SH3BGR: variants seen among roughly 807,000 people sequenced by gnomAD.
SH3BGR encodes the protein SH3 domain binding glutamate rich protein.
In SH3BGR, 29 loss-of-function variants were observed where a neutral mutation model predicts 24.5. The ratio of observed to expected loss-of-function variants is 1.18; its 90% confidence interval spans 0.88 to 1.61. SH3BGR has a LOEUF of 1.61. SH3BGR is among the 40% of genes most tolerant of loss of function. SH3BGR has a pLI of 0.00. For synonymous variants in SH3BGR, 55 were observed against 65.7 expected (o/e 0.84, Z 0.79); for missense variants, 162 against 205.8 (o/e 0.79, Z 1.30).
intron 1 of SH3BGR, among the ~76,000 whole-genome samples, chr21:39,446,759 A>G (rs2148427953): frequency 6.6e-6 from 1 of 152,252 alleles, no homozygotes; most frequent in South Asian, 2.1e-4. Flanking sequence ...TGGGTTTTGT[A>G]AGGACTTTTG....
chr21:39,466,135 C>A (rs998751898), intron 2 of SH3BGR, among the ~76,000 whole-genome samples: 10 of 152,160 alleles, frequency 6.6e-5, no homozygotes, highest in African/African-American at 1.7e-4. Flanking sequence ...TCAATATTGG[C>A]AAATGCTCCT....
chr21:39,463,625 T>C (rs976856197), intron 2 of SH3BGR, among the ~76,000 whole-genome samples: 2 of 152,316 alleles, frequency 1.3e-5, no homozygotes, highest in East Asian at 3.9e-4. Flanking sequence ...TTTAAAAAAT[T>C]GTTTACTGCC....
intron 3 of SH3BGR, among the ~76,000 whole-genome samples, chr21:39,496,564 T>G (rs2078401616): frequency 6.6e-6 from 1 of 151,098 alleles, no homozygotes; most frequent in Non-Finnish European, 1.5e-5. Flanking sequence ...ATTGCATGCC[T>G]AAAAATCTTT....
At chr21:39,498,961 T>C (rs763346521) in intron 3 of SH3BGR, among the ~76,000 whole-genome samples, 15 of 152,312 alleles carry the variant, frequency 9.8e-5, no homozygotes, top group East Asian at 1.9e-4. Flanking sequence ...TCAGGAAACT[T>C]AGTCATGGTG....
chr21:39,509,455 A>T (rs1602179433), intron 5 of SH3BGR, among the ~76,000 whole-genome samples: 1 of 146,514 alleles, frequency 6.8e-6, no homozygotes, highest in African/African-American at 2.5e-5. Context: ...ACATCTTTGA[A>T]TTAATCACTT....
intron 3 of SH3BGR, among the ~76,000 whole-genome samples, chr21:39,499,062 T>C (rs7283503): frequency 6.6e-6 from 1 of 152,086 alleles, no homozygotes; most frequent in South Asian, 2.1e-4. Flanking sequence ...ATAAAACCAT[T>C]AGATCTCGTG....
Position 39,459,775 on chromosome 21 carries a change from G to T in SH3BGR, c.46-2600G>T, listed in dbSNP as rs115565353. ...TCTCGACAAAAATTTGTTTGCCCAG[G>T]CTGGCTGGTCTTGACCTCCTGGGCT... is the stretch of plus-strand genomic sequence containing the variant. On this transcript the variant is annotated intron_variant, in intron 1 of 6. Coordinates refer to ENST00000333634, the MANE Select transcript of SH3BGR (RefSeq NM_007341.3). Among the ~76,000 whole-genome samples the T allele has an allele frequency of 1.8e-3, 274 of 150,776 alleles. 3 individuals carry two copies. The highest frequency in any genetic ancestry group is 6.0e-3 in the African/African-American group (248 of 41,052).
In SH3BGR at chr21:39,474,614, C is replaced by T. The variant is rs905640246; in HGVS notation, c.232-521C>T. Among the ~76,000 whole-genome samples, 22 of 152,218 alleles carry T rather than the reference C, an allele frequency of 1.4e-4. 1 individual carries two copies. The highest frequency in any genetic ancestry group is 3.4e-4 in the African/African-American group (14 of 41,528). On this transcript the variant is annotated intron_variant, in intron 2 of 6. Transcript: ENST00000333634. ...CAGATTTCAATCCACTACCAAGTTT[C>T]CAATCACTCCAGTTGTTCCTATTTT...
In SH3BGR at chr21:39,511,816, A is replaced by T. The variant is rs768786906; in HGVS notation, c.*34+7A>T. On this transcript the variant is annotated splice_region_variant and intron_variant, in intron 6 of 6. Transcript: ENST00000333634. The surrounding 1 kb of genome is among the most constrained non-coding windows in gnomAD (Gnocchi z 4.2). ...ATTTCTTCCACTTCTCCAGGTAGCT[A>T]CAGGATTCTGGGGTGGAAAAGCTGC... The T allele has an allele frequency of 6.2e-7, 1 of 1,602,138 alleles. No homozygotes were observed. Among genetic ancestry groups the T allele is most frequent in the Non-Finnish European group, 8.5e-7 (1 of 1,175,610 alleles).
intron 3 of SH3BGR, among the ~76,000 whole-genome samples, chr21:39,484,919 G>T (rs1039803474): frequency 1.3e-5 from 2 of 152,200 alleles, no homozygotes; most frequent in Non-Finnish European, 2.9e-5. Context: ...GTGGAAAGGT[G>T]TCAGCAAGGA....
At chr21:39,513,458 A>C (rs2078732073) in intron 6 of SH3BGR, among the ~76,000 whole-genome samples, 1 of 152,216 alleles carries the variant, frequency 6.6e-6, no homozygotes, top group Non-Finnish European at 1.5e-5. Context: ...AAAAGCACTT[A>C]ATCTATTTTT....
At chr21:39,449,746 G>A (rs900166981), upstream of SH3BGR, among the ~76,000 whole-genome samples, 1 of 152,148 alleles carries the variant, frequency 6.6e-6, no homozygotes, top group Non-Finnish European at 1.5e-5. Flanking sequence ...CTTAAGTCTT[G>A]GATATGCCAT....
In SH3BGR at chr21:39,511,638, C is replaced by G. The variant is rs75803111; in HGVS notation, c.436-42C>G. ...GTCTTTTTCTCACTGTATCCTTGGC[C>G]CTTATGCTTCTTAATACTAATGTAA... is the stretch of plus-strand genomic sequence containing the variant. On this transcript the variant is annotated intron_variant, in intron 5 of 6. Transcript: ENST00000333634. This position sits in a 1 kb window ranked among gnomAD's most constrained non-coding sequence, Gnocchi z 4.2. 1 of 1,597,620 alleles carries G rather than the reference C, an allele frequency of 6.3e-7. No individual in the cohort carries two copies. The highest frequency in any genetic ancestry group is 1.7e-5 in the Admixed American group (1 of 57,176).
At chr21:39,488,312 G>T in intron 3 of SH3BGR, 1 of 201,628 alleles carries the variant, frequency 5.0e-6, no homozygotes, top group Admixed American at 4.8e-5. Flanking sequence ...GCTGAGCAGA[G>T]CTGAGCAGTC....
chr21:39,490,463 C>T (rs2078280751), intron 3 of SH3BGR, among the ~76,000 whole-genome samples: 1 of 152,148 alleles, frequency 6.6e-6, no homozygotes, highest in Non-Finnish European at 1.5e-5. Context: ...CTGTTCCTCC[C>T]TTTAATCCTG....
intron 6 of SH3BGR, among the ~76,000 whole-genome samples, chr21:39,514,807 A>G (rs2078754870): frequency 1.3e-5 from 2 of 152,244 alleles, no homozygotes; most frequent in Admixed American, 6.5e-5. Context: ...CAAGCTGTCA[A>G]TTCAGCCTAT....
chr21:39,490,930 A>G (rs1258855035), intron 3 of SH3BGR, among the ~76,000 whole-genome samples: 1 of 151,828 alleles, frequency 6.6e-6, no homozygotes, highest in Non-Finnish European at 1.5e-5. Flanking sequence ...AGAGGGTCCT[A>G]CTAGTTGCCC....
chr21:39,465,115 A>G (rs1427303994), intron 2 of SH3BGR, among the ~76,000 whole-genome samples: 2 of 152,090 alleles, frequency 1.3e-5, no homozygotes, highest in Admixed American at 1.3e-4. Flanking sequence ...TGTGTTGCCC[A>G]GGCTGGTCTT....
intron 4 of SH3BGR, among the ~76,000 whole-genome samples, chr21:39,506,975 G>T (rs2123538043): frequency 6.6e-6 from 1 of 152,312 alleles, no homozygotes; most frequent in South Asian, 2.1e-4. Flanking sequence ...GGTCATGGCA[G>T]AGGAGGGGCG....
Sources: allele counts gnomAD v4.1 joint callset (sites outside exome capture counted in the v4.1 genomes callset), GRCh38; gene constraint gnomAD v4.1.1; non-coding constraint Gnocchi (gnomAD v3.1); transcripts MANE v1.5; gene names NCBI Gene and HGNC (gene_info 2026-07-23, HGNC 2026-07-21).